The following UCK2 variants were observed in gnomAD, a reference collection of about 807,000 sequenced individuals.
The protein encoded by UCK2 is cytidine monophosphokinase 2.
In UCK2, 6 loss-of-function variants were observed where a neutral mutation model predicts 30.8. The ratio of observed to expected loss-of-function variants is 0.19; its 90% CI spans 0.11 to 0.38. The LOEUF (loss-of-function observed/expected upper bound fraction) is 0.38, where lower values mean the gene tolerates loss of function less well. Among genes scored for constraint, UCK2 ranks in the 10% least tolerant of loss-of-function variants. The probability of loss-of-function intolerance (pLI) is 1.00; values close to 1 mark genes in which losing one functional copy is unlikely to be tolerated. For synonymous variants in UCK2, 125 were observed against 133.6 expected (o/e 0.94, Z 0.45); for missense variants, 210 against 339.8 (o/e 0.62, Z 3.00).
intron 1 of UCK2, among the ~76,000 whole-genome samples, chr1:165,853,139 G>T (rs991477563): frequency 6.6e-6 from 1 of 152,178 alleles, no homozygotes; most frequent in African/African-American, 2.4e-5. Context: ...ATGCTGGGCT[G>T]CTGTTAGGCT....
At chr1:165,840,920 A>G (rs1177941804) in intron 1 of UCK2, among the ~76,000 whole-genome samples, 1 of 152,170 alleles carries the variant, frequency 6.6e-6, no homozygotes, top group Non-Finnish European at 1.5e-5. Flanking sequence ...GGTTCAATGA[A>G]TTATCATATG....
At chr1:165,834,609 G>A (rs1172097297) in intron 1 of UCK2, among the ~76,000 whole-genome samples, 1 of 152,326 alleles carries the variant, frequency 6.6e-6, no homozygotes, top group East Asian at 1.9e-4. Context: ...GGTTCTAAAT[G>A]TATGCCTGAG....
intron 1 of UCK2, among the ~76,000 whole-genome samples, chr1:165,828,275 G>T (rs980672202): frequency 8.7e-4 from 132 of 152,286 alleles, no homozygotes; most frequent in African/African-American, 3.0e-3. Flanking sequence ...CTCCAGTGTC[G>T]GGGGAGAGGG....
At chr1:165,854,648 G>T (rs1356383422) in intron 1 of UCK2, among the ~76,000 whole-genome samples, 1 of 148,996 alleles carries the variant, frequency 6.7e-6, no homozygotes, top group East Asian at 2.0e-4. Flanking sequence ...TAAATAAAGT[G>T]AGTGTGTCTT....
intron 1 of UCK2, among the ~76,000 whole-genome samples, chr1:165,877,659 G>T (rs1459498726): frequency 6.6e-6 from 1 of 152,324 alleles, no homozygotes; most frequent in Non-Finnish European, 1.5e-5. Flanking sequence ...AACCATCGGC[G>T]TAATGAAGGC....
At chr1:165,874,389 C>G (rs953669797) in intron 1 of UCK2, among the ~76,000 whole-genome samples, 2 of 152,164 alleles carry the variant, frequency 1.3e-5, no homozygotes, top group African/African-American at 4.8e-5. Context: ...GGGGGACTCA[C>G]GTACAGAGCC....
intron 1 of UCK2, among the ~76,000 whole-genome samples, chr1:165,887,736 A>C (rs1158569566): frequency 6.6e-6 from 1 of 151,442 alleles, no homozygotes; most frequent in Non-Finnish European, 1.5e-5. Context: ...GGTGTTTAAA[A>C]ACCTATAGTT....
chr1:165,836,938 C>G (rs909762169), intron 1 of UCK2, among the ~76,000 whole-genome samples: 1 of 152,068 alleles, frequency 6.6e-6, no homozygotes, highest in Admixed American at 6.6e-5. Context: ...ATGGTCATCC[C>G]GTCCTGGAAG....
At chr1:165,897,469 G>T (rs567650232) in intron 4 of UCK2, among the ~76,000 whole-genome samples, 1 of 152,270 alleles carries the variant, frequency 6.6e-6, no homozygotes, top group South Asian at 2.1e-4. Context: ...AAGGGCAGTG[G>T]GTGGAGGCGA....
intron 1 of UCK2, among the ~76,000 whole-genome samples, chr1:165,829,086 T>G (rs1233122253): frequency 6.6e-6 from 1 of 151,974 alleles, no homozygotes; most frequent in Admixed American, 6.6e-5. Context: ...GGTTTTACAT[T>G]TTTCCCTCCT....
chr1:165,897,118 G>A (rs1037539111), intron 4 of UCK2, among the ~76,000 whole-genome samples: 2 of 152,186 alleles, frequency 1.3e-5, no homozygotes, highest in Non-Finnish European at 2.9e-5. Flanking sequence ...CTTGTTCCGA[G>A]AGTGGCAGGA....
chr1:165,836,910 T>A (rs943457353), intron 1 of UCK2, among the ~76,000 whole-genome samples: 1 of 152,190 alleles, frequency 6.6e-6, no homozygotes, highest in Non-Finnish European at 1.5e-5. Flanking sequence ...GCCTGACACC[T>A]GGCCTTTTTG....
In UCK2 at chr1:165,865,998, G is replaced by A. The variant is rs117140446; in HGVS notation, c.100-24206G>A. On this transcript the variant is annotated intron_variant, in intron 1 of 6. Coordinates refer to ENST00000367879, the MANE Select transcript of UCK2 (RefSeq NM_012474.5). ...TGTGGCTGGAAACAGAAGAAGGGCT[G>A]CCTAAAACTGAGTGGTGGGCTAGGT... Among the ~76,000 whole-genome samples, 35 of 152,248 alleles carry A rather than the reference G, an allele frequency of 2.3e-4. No homozygotes were observed. In the East Asian group the frequency reaches 6.4e-3, roughly 28 times the overall value.
chr1:165,889,640 T>A (rs1321368297), intron 1 of UCK2, among the ~76,000 whole-genome samples: 1 of 150,586 alleles, frequency 6.6e-6, no homozygotes. Context: ...TTGGGGATCC[T>A]AAGACTTCTC....
Position 165,907,819 on chromosome 1 carries a change from A to G in UCK2, c.782A>G (p.His261Arg). 1 of 1,614,070 alleles carries G rather than the reference A, an allele frequency of 6.2e-7. No individual in the cohort carries two copies. Among genetic ancestry groups the G allele is most frequent in the Non-Finnish European group, 8.5e-7 (1 of 1,179,964 alleles). Residue 261 changes from histidine (H) to arginine (R), a missense_variant, in exon 7 of 7, where the codon CAT becomes CGT. His to Arg is a conservative substitution (Grantham distance 29). Coordinates refer to ENST00000367879, the MANE Select transcript of UCK2 (RefSeq NM_012474.5). ...GCATCGGAGTCCAGCAGCAGGCCGC[A>G]TTGACCCGTCTCCATCGGACCCCAG... Reference protein sequence around the residue: ...RQASESSSRPH With the variant: ...RQASESSSRPR
intron 1 of UCK2, among the ~76,000 whole-genome samples, chr1:165,863,452 A>C (rs765096336): frequency 1.3e-5 from 2 of 152,210 alleles, no homozygotes; most frequent in Non-Finnish European, 2.9e-5. Context: ...GTATTTCATC[A>C]GCAGTATGGG....
At chr1:165,904,430 T>C (rs1412539995) in intron 5 of UCK2, among the ~76,000 whole-genome samples, 1 of 152,230 alleles carries the variant, frequency 6.6e-6, no homozygotes, top group Non-Finnish European at 1.5e-5. Flanking sequence ...GCTGAGGAGC[T>C]GTGAACTTCT....
At chr1:165,896,167 A>G (rs1328488621) in intron 3 of UCK2, 23 bp from the exon 4 acceptor site, 14 of 1,613,482 alleles carry the variant, frequency 8.7e-6, no homozygotes, top group South Asian at 1.1e-5. Flanking sequence ...GGCTTGGCCC[A>G]TTATCTGCTC....
intron 1 of UCK2, among the ~76,000 whole-genome samples, chr1:165,843,742 A>C (rs1654382936): frequency 6.6e-6 from 1 of 152,208 alleles, no homozygotes; most frequent in African/African-American, 2.4e-5. Flanking sequence ...CCTGTCTCTA[A>C]AAAACAGGAG....
Sources: allele counts gnomAD v4.1 joint callset (sites outside exome capture counted in the v4.1 genomes callset), GRCh38; gene constraint gnomAD v4.1.1; transcripts MANE v1.5; gene names NCBI Gene and HGNC (gene_info 2026-07-23, HGNC 2026-07-21).